The following NDC80 variants were observed in gnomAD, a reference collection of about 807,000 sequenced individuals.
NDC80 encodes NDC80 kinetochore complex component.
A neutral mutation model predicts 89.3 loss-of-function variants in NDC80; 69 were observed. The observed-to-expected ratio is 0.77, with a 90% confidence interval of 0.64 to 0.94. NDC80 has a LOEUF of 0.94. Among genes scored for constraint, NDC80 ranks in the 40% least tolerant of loss-of-function variants. The pLI, the probability that NDC80 is intolerant of heterozygous loss-of-function variation, is 0.00. For synonymous variants in NDC80, 243 were observed against 255.6 expected, an observed-to-expected ratio of 0.95 and a Z score of 0.47; for missense variants, 593 against 739.6, an observed-to-expected ratio of 0.80 and a Z score of 2.30.
At chr18:2,574,822 A>C (rs1164826804) in intron 2 of NDC80, among the ~76,000 whole-genome samples, 167 bp from the exon 3 acceptor site, 2 of 152,232 alleles carry the variant, frequency 1.3e-5, no homozygotes, top group Non-Finnish European at 2.9e-5. Context: ...TACCATGTTT[A>C]GCCCATCCTA....
chr18:2,616,118 C>T (rs1456243961), intron 16 of NDC80, among the ~76,000 whole-genome samples: 1 of 152,072 alleles, frequency 6.6e-6, no homozygotes, highest in African/African-American at 2.4e-5. Context: ...CTCCACTTCC[C>T]AGCCTCAGGT....
At chr18:2,599,224 C>CT in intron 12 of NDC80, 53 bp downstream of exon 12, 1 of 1,477,958 alleles carries the variant, frequency 6.8e-7, no homozygotes, top group Non-Finnish European at 9.1e-7. Context: ...ATTGGTATCT[C>CT]TAAGAGTTTG....
intron 6 of NDC80, among the ~76,000 whole-genome samples, chr18:2,583,422 C>T (rs891910552): frequency 3.3e-5 from 5 of 152,236 alleles, no homozygotes; most frequent in African/African-American, 9.6e-5. Flanking sequence ...GTGTGTTGGC[C>T]GGGCGCAGTA....
intron 16 of NDC80, among the ~76,000 whole-genome samples, chr18:2,612,720 C>T (rs969432473): frequency 6.6e-6 from 1 of 152,104 alleles, no homozygotes; most frequent in Non-Finnish European, 1.5e-5. Context: ...GATTTGAAAA[C>T]CTAATGGTAA....
At chr18:2,584,669 C>T (rs2072595448) in intron 6 of NDC80, among the ~76,000 whole-genome samples, 1 of 152,028 alleles carries the variant, frequency 6.6e-6, no homozygotes, top group Non-Finnish European at 1.5e-5. Flanking sequence ...GAAGGAGTTA[C>T]TCGATTAACA....
chr18:2,601,950 G>A (rs1173335848), intron 13 of NDC80, among the ~76,000 whole-genome samples: 1 of 152,032 alleles, frequency 6.6e-6, no homozygotes, highest in African/African-American at 2.4e-5. Flanking sequence ...GTGAATTTCA[G>A]GTAGTCTCTG....
chr18:2,572,361 C>T (rs2072520053), intron 1 of NDC80, among the ~76,000 whole-genome samples: 1 of 152,090 alleles, frequency 6.6e-6, no homozygotes, highest in Non-Finnish European at 1.5e-5. Context: ...AGGGAGTGAC[C>T]TGTTAATGTG....
At position 2,571,581 on chromosome 18, in the gene NDC80, G is replaced by T. The variant is rs2072511746; in HGVS notation, c.-112G>T. On this transcript the variant is annotated 5_prime_UTR_variant, in exon 1 of 17. Transcript: ENST00000261597. ...CAAATTCGAACGGCTTTGGCGGGCC[G>T]AGGAAGGACCTGGTGTTTTGATGAC... 1 of 152,250 alleles carries T rather than the reference G, an allele frequency of 6.6e-6. No individual in the cohort carries two copies. Among genetic ancestry groups the T allele is most frequent in the Admixed American group, 6.6e-5 (1 of 15,266 alleles). The allele number at this position is 152,250 out of a possible 1,614,324, so 9.4% of individuals were successfully genotyped here.
At chr18:2,587,989 T>A in intron 8 of NDC80, 66 bp downstream of exon 8, 8 of 1,247,228 alleles carry the variant, frequency 6.4e-6, no homozygotes, top group South Asian at 1.2e-5. Flanking sequence ...AGTGGTAATT[T>A]ATTTACCATA....
chr18:2,576,040 G>A (rs548625120), intron 3 of NDC80, among the ~76,000 whole-genome samples: 119 of 152,262 alleles, frequency 7.8e-4, no homozygotes, highest in African/African-American at 2.6e-3. Context: ...TCGAGGCTCC[G>A]GTGAGCCAGG....
At chr18:2,612,276 C>CTTTTTTTTTTTTTTTTTTTTTTTTTTTT (rs55648444) in intron 16 of NDC80, among the ~76,000 whole-genome samples, 1 of 60,398 alleles carries the variant, frequency 1.7e-5, no homozygotes, top group Non-Finnish European at 2.9e-5. Context: ...TCTTTTCTTT[C>CTTTTTTTTTTTTTTTTTTTTTTTTTTTT]TTTTTTTTTT....
rs376449002 is a variant in NDC80, at chr18:2,587,826, A to G, written c.670-4A>G. The G allele has an allele frequency of 1.1e-5, 18 of 1,610,642 alleles. No individual in the cohort carries two copies. Among genetic ancestry groups the G allele is most frequent in the Non-Finnish European group, 1.5e-5 (18 of 1,177,246 alleles). On this transcript the variant is annotated splice_polypyrimidine_tract_variant and splice_region_variant and intron_variant, in intron 7 of 16. Coordinates refer to ENST00000261597, the MANE Select transcript of NDC80 (RefSeq NM_006101.3). Reference sequence around the variant, plus strand: ...TTGTTTCTAAAATCTGCTTAACCCCATAGTTGTTTTTGGACTACACCATAA... The same window carrying G: ...TTGTTTCTAAAATCTGCTTAACCCCGTAGTTGTTTTTGGACTACACCATAA...
intron 15 of NDC80, among the ~76,000 whole-genome samples, chr18:2,609,234 T>G (rs1277529444): frequency 6.6e-6 from 1 of 152,178 alleles, no homozygotes; most frequent in Non-Finnish European, 1.5e-5. Context: ...TATAGTAAAA[T>G]GTAATTATAC....
chr18:2,584,992 A>G (rs192879808), intron 6 of NDC80, 121 bp from the exon 7 acceptor site: 4 of 665,228 alleles, frequency 6.0e-6, no homozygotes, highest in East Asian at 2.7e-5. Context: ...CTATCAAAAG[A>G]GACTTTTAGT....
chr18:2,606,382 T>A, intron 13 of NDC80, 33 bp from the exon 14 acceptor site: 1 of 1,447,886 alleles, frequency 6.9e-7, no homozygotes, highest in Admixed American at 1.9e-5. Flanking sequence ...GATGTATAGT[T>A]ATGATTTCTC....
In NDC80 at chr18:2,585,222, A is replaced by C; in HGVS notation, c.669+20A>C. ...AATAAGGTACCATGTATTATCATAA[A>C]CTGTAATAATGAATTGCCTTGATAT... On this transcript the variant is annotated intron_variant, in intron 7 of 16. Coordinates refer to ENST00000261597, the MANE Select transcript of NDC80 (RefSeq NM_006101.3). 6.4e-7 allele frequency: 1 copy of C among 1,553,872 alleles called. No homozygotes were observed. The highest frequency in any genetic ancestry group is 1.1e-5 in the South Asian group (1 of 89,858).
At chr18:2,576,853 ATGT>A (rs1278836961) in intron 3 of NDC80, among the ~76,000 whole-genome samples, 1 of 152,326 alleles carries the variant, frequency 6.6e-6, no homozygotes, top group East Asian at 1.9e-4. Context: ...ACAATAAATT[ATGT>A]TGTTGTCTCA....
intron 10 of NDC80, among the ~76,000 whole-genome samples, chr18:2,591,184 G>A (rs977669445): frequency 2.0e-5 from 3 of 152,194 alleles, no homozygotes; most frequent in African/African-American, 4.8e-5. Flanking sequence ...TCGGGGAAAA[G>A]AGCAACCAAA....
intron 11 of NDC80, 120 bp downstream of exon 11, chr18:2,595,741 T>C: frequency 1.5e-6 from 1 of 681,450 alleles, no homozygotes; most frequent in Non-Finnish European, 2.4e-6. Flanking sequence ...ACATTAGCAT[T>C]GACATTTTAA....
Sources: allele counts gnomAD v4.1 joint callset (sites outside exome capture counted in the v4.1 genomes callset), GRCh38; gene constraint gnomAD v4.1.1; transcripts MANE v1.5; gene names NCBI Gene and HGNC (gene_info 2026-07-23, HGNC 2026-07-21).